The following STARD9 variants were observed in gnomAD, a reference collection of about 807,000 sequenced individuals.
STARD9 encodes the protein stAR-related lipid transfer protein 9.
Under a neutral mutation model 399.8 loss-of-function variants are expected in STARD9, and 346 were observed. That is an observed-to-expected ratio of 0.87 (90% CI 0.79 to 0.95). The LOEUF is 0.95. STARD9 is among the 40% of genes least tolerant of loss of function. The probability of loss-of-function intolerance (pLI) is 0.00; values close to 1 mark genes in which losing one functional copy is unlikely to be tolerated. For synonymous variants in STARD9, 2,203 were observed against 2,143.5 expected (o/e 1.03, Z -0.77); for missense variants, 5,832 against 5,667.5 (o/e 1.03, Z -0.93).
chr15:42,692,477 C>T lies in STARD9; in HGVS notation c.10899C>T (p.Thr3633=). The change falls in exon 23 of 33, where the codon ACC becomes ACT. Residue 3633 remains threonine, a synonymous_variant. Coordinates refer to ENST00000290607, the MANE Select transcript of STARD9 (RefSeq NM_020759.3). ...PSEAGCPVGQ[T]RTNTFEQGTQ... is the part of the protein sequence containing the mutation. ...AGGCAGGCTGCCCTGTGGGACAGAC[C>T]AGGACGAACACATTCGAACAGGGCA... 1 of 1,537,074 alleles carries T rather than the reference C, an allele frequency of 6.5e-7. No individual in the cohort carries two copies. The highest frequency in any genetic ancestry group is 8.7e-7 in the Non-Finnish European group (1 of 1,146,902).
intron 3 of STARD9, among the ~76,000 whole-genome samples, chr15:42,622,237 C>T (rs2059107083): frequency 1.3e-5 from 2 of 152,104 alleles, no homozygotes. Flanking sequence ...TGTACCACTG[C>T]ACTCCAGCCT....
intron 16 of STARD9, 56 bp from the exon 17 acceptor site, chr15:42,674,384 A>G (rs1199286552): frequency 7.3e-6 from 10 of 1,361,328 alleles, no homozygotes; most frequent in East Asian, 2.5e-5. Context: ...ACTCTCCTGT[A>G]GGGCAAGGCT....
At chr15:42,648,776 A>G (rs1285506318) in intron 7 of STARD9, among the ~76,000 whole-genome samples, 1 of 151,382 alleles carries the variant, frequency 6.6e-6, no homozygotes, top group Non-Finnish European at 1.5e-5. Context: ...TCCCTCCACT[A>G]CCATTACCTC....
At chr15:42,627,754 C>G (rs1009422900) in intron 3 of STARD9, among the ~76,000 whole-genome samples, 4 of 152,104 alleles carry the variant, frequency 2.6e-5, no homozygotes, top group African/African-American at 9.7e-5. Context: ...TTGTAAATGA[C>G]AGGGTTTCAC....
intron 16 of STARD9, chr15:42,673,906 G>A (rs949036824): frequency 1.5e-5 from 7 of 455,972 alleles, no homozygotes; most frequent in African/African-American, 1.2e-4. Context: ...TCTCCTATTT[G>A]TGCTTTTACC....
chr15:42,662,398 A>G (rs777710310), intron 10 of STARD9, among the ~76,000 whole-genome samples: 1 of 152,220 alleles, frequency 6.6e-6, no homozygotes, highest in Non-Finnish European at 1.5e-5. Context: ...TTTCCCATTT[A>G]CTTAAAAAAG....
At chr15:42,626,676 T>A (rs79303228) in intron 3 of STARD9, among the ~76,000 whole-genome samples, 1 of 141,430 alleles carries the variant, frequency 7.1e-6, no homozygotes, top group Non-Finnish European at 1.6e-5. Flanking sequence ...AATTTTGTAT[T>A]TTTTTTTTTT....
At chr15:42,627,772 A>G (rs1036113951) in intron 3 of STARD9, among the ~76,000 whole-genome samples, 44 of 152,204 alleles carry the variant, frequency 2.9e-4, no homozygotes, top group African/African-American at 7.7e-4. Flanking sequence ...CACTGTTTCT[A>G]TGGCTGAGTA....
At chr15:42,631,318 A>G (rs1282436019) in intron 3 of STARD9, among the ~76,000 whole-genome samples, 4 of 152,106 alleles carry the variant, frequency 2.6e-5, no homozygotes, top group African/African-American at 9.7e-5. Context: ...CATGGGGCTT[A>G]CACCTGTAGT....
Position 42,687,093 on chromosome 15 carries a change from A to G in STARD9, c.5515A>G (p.Ile1839Val). Residue 1839 changes from isoleucine to valine, a missense_variant, in exon 23 of 33, where the codon ATT becomes GTT. Ile to Val is a conservative substitution (Grantham distance 29, BLOSUM62 3). This residue lies in a region of STARD9 where 5,828 missense variants were observed against 5,651.1 expected (regional missense o/e 1.03). Transcript: ENST00000290607. ...IRESGKCPGN[I>V]TEESHDSVYS... The stretch of plus-strand genomic sequence containing the variant: ...AGAATCAGGTAAATGCCCTGGAAAT[A>G]TTACAGAAGAAAGCCATGATTCAGT... The G allele has an allele frequency of 1.3e-6, 2 of 1,537,278 alleles. No homozygotes were observed. Among genetic ancestry groups the G allele is most frequent in the Non-Finnish European group, 1.7e-6 (2 of 1,146,930 alleles).
Position 42,685,611 on chromosome 15 carries a change from A to C in STARD9, c.4033A>C (p.Ile1345Leu). Residue 1345 changes from isoleucine to leucine, a missense_variant, in exon 23 of 33, where the codon ATC becomes CTC. By Grantham distance (5) the Ile-to-Leu change is conservative (BLOSUM62 2). Around this residue, in one of 2 missense-constraint regions of STARD9, gnomAD observed 5,828 missense variants for 5,651.1 expected, o/e 1.03. Transcript: ENST00000290607. Reference sequence around the variant, plus strand: ...TTCCTGGTTTTCCTGTGACTCTAAGATCAACCCCAGCAGCCCCCCAGGAAT... The same window carrying C: ...TTCCTGGTTTTCCTGTGACTCTAAGCTCAACCCCAGCAGCCCCCCAGGAAT... ...MDSWFSCDSK[I>L]NPSSPPGIVG... is the part of the protein sequence containing the mutation. The C allele has an allele frequency of 6.5e-7, 1 of 1,537,446 alleles. No homozygotes were observed. Among genetic ancestry groups the C allele is most frequent in the Non-Finnish European group, 8.7e-7 (1 of 1,146,964 alleles).
Position 42,691,876 on chromosome 15 carries a change from C to A in STARD9, c.10298C>A (p.Ala3433Asp). 1 of 1,537,254 alleles carries A rather than the reference C, an allele frequency of 6.5e-7. No homozygotes were observed. Among genetic ancestry groups the A allele is most frequent in the South Asian group, 1.2e-5 (1 of 84,050 alleles). Residue 3433 changes from alanine to aspartate, a missense_variant, in exon 23 of 33, where the codon GCC becomes GAC. Transcript: ENST00000290607. The stretch of plus-strand genomic sequence containing the variant: ...TGGATGTCTGGTACTTTGGAACAAG[C>A]CCAACAGGGAAAGCGAGAGAAACTG... ...TSWMSGTLEQ[A>D]QQGKREKLGV...
intron 3 of STARD9, among the ~76,000 whole-genome samples, chr15:42,624,196 T>C (rs1225561323): frequency 1.3e-5 from 2 of 152,208 alleles, no homozygotes; most frequent in Non-Finnish European, 2.9e-5. Flanking sequence ...TATGTAAGGC[T>C]TGGATGCCTT....
intron 3 of STARD9, among the ~76,000 whole-genome samples, chr15:42,592,135 G>A (rs2058408536): frequency 6.6e-6 from 1 of 152,140 alleles, no homozygotes; most frequent in African/African-American, 2.4e-5. Flanking sequence ...AAAGGTAGAG[G>A]ATTTTATCCC....
In STARD9 at chr15:42,684,893, C is replaced by T; in HGVS notation, c.3315C>T (p.Ser1105=). Residue 1105 remains serine (S), a synonymous_variant, in exon 23 of 33, where the codon AGC becomes AGT. Coordinates refer to ENST00000290607, the MANE Select transcript of STARD9 (RefSeq NM_020759.3). ...EKDNDLSDTD[S]NYSLDSLSCV... is the part of the protein sequence containing the mutation. Reference sequence around the variant, plus strand: ...ACAATGATTTATCTGACACAGATAGCAACTACTCATTGGATTCTCTCTCAT... The same window carrying T: ...ACAATGATTTATCTGACACAGATAGTAACTACTCATTGGATTCTCTCTCAT... 6.5e-7 allele frequency: 1 copy of T among 1,537,046 alleles called. No homozygotes were observed. Among genetic ancestry groups the T allele is most frequent in the Non-Finnish European group, 8.7e-7 (1 of 1,146,892 alleles).
At position 42,690,145 on chromosome 15, in the gene STARD9, T is replaced by G. The variant is rs1417113325; in HGVS notation, c.8567T>G (p.Ile2856Ser). 1 of 1,537,714 alleles carries G rather than the reference T, an allele frequency of 6.5e-7. No homozygotes were observed. Among genetic ancestry groups the G allele is most frequent in the Non-Finnish European group, 8.7e-7 (1 of 1,147,060 alleles). ...EGRASPKQDT[I>S]LPGALTRVAL... ...AGGGCAAGTCCCAAACAAGATACCATTCTGCCTGGAGCTCTGACAAGGGTT... is the reference window on the plus strand; with the variant it reads ...AGGGCAAGTCCCAAACAAGATACCAGTCTGCCTGGAGCTCTGACAAGGGTT... Residue 2856 changes from isoleucine to serine, a missense_variant, in exon 23 of 33, where the codon ATT becomes AGT. Physicochemically the swap from Ile to Ser is moderately radical, Grantham distance 142. Around this residue, in one of 2 missense-constraint regions of STARD9, gnomAD observed 5,828 missense variants for 5,651.1 expected, o/e 1.03. Coordinates refer to ENST00000290607, the MANE Select transcript of STARD9 (RefSeq NM_020759.3).
In STARD9 at chr15:42,663,298, T is replaced by C; in HGVS notation, c.886T>C (p.Phe296Leu). The C allele has an allele frequency of 6.5e-7, 1 of 1,533,822 alleles. No individual in the cohort carries two copies. Among genetic ancestry groups the C allele is most frequent in the Non-Finnish European group, 8.7e-7 (1 of 1,143,942 alleles). The part of the protein sequence containing the change: ...ISTLAQNSQV[F>L]SSCQSLNSSV... ...CTTTTAAGCCCAGAACTCCCAAGTTTTCAGCAGCTGCCAGAGCCTCAACAG... is the reference window on the plus strand; with the variant it reads ...CTTTTAAGCCCAGAACTCCCAAGTTCTCAGCAGCTGCCAGAGCCTCAACAG... The change falls in exon 12 of 33, where the codon TTC (phenylalanine) becomes CTC (leucine). Residue 296 changes from phenylalanine to leucine, a missense_variant. This residue lies in a region of STARD9 where 5,828 missense variants were observed against 5,651.1 expected (regional missense o/e 1.03). Coordinates refer to ENST00000290607, the MANE Select transcript of STARD9 (RefSeq NM_020759.3).
At chr15:42,638,926 C>A in intron 7 of STARD9, 114 bp downstream of exon 7, 1 of 543,512 alleles carries the variant, frequency 1.8e-6, no homozygotes, top group Admixed American at 3.2e-5. Context: ...GTGCCAGCTA[C>A]TGTACTAGAC....
At chr15:42,710,732 A>G (rs1271318568) in intron 26 of STARD9, among the ~76,000 whole-genome samples, 1 of 152,196 alleles carries the variant, frequency 6.6e-6, no homozygotes, top group Non-Finnish European at 1.5e-5. Flanking sequence ...GAAGTCCAAA[A>G]TGTTGGTGTT....
Sources: allele counts gnomAD v4.1 joint callset (sites outside exome capture counted in the v4.1 genomes callset), GRCh38; gene constraint gnomAD v4.1.1; regional missense constraint gnomAD v4.1.1; transcripts MANE v1.5; gene names NCBI Gene and HGNC (gene_info 2026-07-23, HGNC 2026-07-21).